Variants in UNC13C observed in about 807,000 individuals in gnomAD.
UNC13C encodes the protein protein unc-13 homolog C.
UNC13C carries 174 observed loss-of-function variants against 245.4 expected under a neutral mutation model. The ratio of observed to expected loss-of-function variants is 0.71; its 90% CI spans 0.63 to 0.80. UNC13C has a LOEUF of 0.80. Among genes scored for constraint, UNC13C ranks in the 30% least tolerant of loss-of-function variants. The pLI, the probability that UNC13C is intolerant of heterozygous loss-of-function variation, is 0.00. For synonymous variants in UNC13C, 992 were observed against 895.1 expected (o/e 1.11, Z -1.93); for missense variants, 2,829 against 2,602.9 (o/e 1.09, Z -1.89).
At chr15:54,048,684 A>G (rs927989473) in intron 2 of UNC13C, 4 of 321,178 alleles carry the variant, frequency 1.2e-5, no homozygotes, top group Non-Finnish European at 2.5e-5. Context: ...CTCCTCAACA[A>G]AGCAGCAAAG....
At chr15:54,358,943 C>T (rs1305406267) in intron 17 of UNC13C, among the ~76,000 whole-genome samples, 3 of 151,824 alleles carry the variant, frequency 2.0e-5, no homozygotes, top group Admixed American at 6.6e-5. Flanking sequence ...ATGATGTTAG[C>T]TGTGGTTTGT....
intron 4 of UNC13C, among the ~76,000 whole-genome samples, chr15:54,212,458 T>G (rs2034911261): frequency 6.6e-6 from 1 of 152,080 alleles, no homozygotes; most frequent in African/African-American, 2.4e-5. Context: ...CAATGTATAT[T>G]GAAAAATGAC....
chr15:54,566,537 G>C (rs1897522973), intron 29 of UNC13C, among the ~76,000 whole-genome samples: 1 of 151,998 alleles, frequency 6.6e-6, no homozygotes, highest in South Asian at 2.1e-4. Context: ...TCAGTAAATG[G>C]AATTTCAAAG....
chr15:53,991,359 C>T (rs1219403485), intron 1 of UNC13C, among the ~76,000 whole-genome samples: 2 of 151,908 alleles, frequency 1.3e-5, no homozygotes. Context: ...GAAAGGTAAA[C>T]ATATCAAAAA....
At chr15:54,609,940 A>G (rs558269270) in intron 30 of UNC13C, among the ~76,000 whole-genome samples, 11 of 152,150 alleles carry the variant, frequency 7.2e-5, no homozygotes, top group Admixed American at 1.3e-4. Flanking sequence ...TAAAACCATC[A>G]GATCTCATGA....
intron 30 of UNC13C, chr15:54,611,635 C>T (rs906963443): frequency 3.9e-5 from 6 of 152,108 alleles, no homozygotes; most frequent in Non-Finnish European, 5.9e-5. Context: ...CCTTTGAAAC[C>T]GCTATGATTG....
chr15:53,899,250 G>A, the UNC13C span, among the ~76,000 whole-genome samples: 59 of 152,256 alleles, frequency 3.9e-4, no homozygotes, highest in South Asian at 0.011. Flanking sequence ...TGATTATTGT[G>A]TATCCTTAAT....
chr15:54,459,214 G>A (rs1395836937), intron 19 of UNC13C, among the ~76,000 whole-genome samples: 1 of 152,182 alleles, frequency 6.6e-6, no homozygotes, highest in South Asian at 2.1e-4. Context: ...GCTAAGGATA[G>A]GACCTCAGTC....
At chr15:54,400,845 C>T (rs2040166705) in intron 18 of UNC13C, among the ~76,000 whole-genome samples, 1 of 152,144 alleles carries the variant, frequency 6.6e-6, no homozygotes, top group Non-Finnish European at 1.5e-5. Context: ...TGGTGTGCTG[C>T]ACCCATTAAC....
intron 30 of UNC13C, among the ~76,000 whole-genome samples, chr15:54,604,101 G>A (rs982859123): frequency 6.6e-6 from 1 of 152,118 alleles, no homozygotes; most frequent in Non-Finnish European, 1.5e-5. Flanking sequence ...TGTGAGAGCT[G>A]AACTCATGCC....
chr15:54,610,203 C>T (rs996956574), intron 30 of UNC13C, among the ~76,000 whole-genome samples: 1 of 152,036 alleles, frequency 6.6e-6, no homozygotes, highest in African/African-American at 2.4e-5. Context: ...TGATGATGTA[C>T]TCACTAGTTT....
intron 23 of UNC13C, among the ~76,000 whole-genome samples, chr15:54,508,625 C>T (rs1894590850): frequency 1.3e-5 from 2 of 152,126 alleles, no homozygotes; most frequent in South Asian, 4.1e-4. Flanking sequence ...CAGCCTTATA[C>T]ACTGTTGCTT....
chr15:54,423,004 A>G (rs2040683327), intron 19 of UNC13C, among the ~76,000 whole-genome samples: 1 of 151,662 alleles, frequency 6.6e-6, no homozygotes, highest in African/African-American at 2.4e-5. Flanking sequence ...AACTTCATGA[A>G]ATATAAACAT....
intron 4 of UNC13C, among the ~76,000 whole-genome samples, chr15:54,183,893 C>T (rs1239762401): frequency 6.6e-6 from 1 of 151,518 alleles, no homozygotes; most frequent in Non-Finnish European, 1.5e-5. Context: ...GAAATCTTCA[C>T]AAAAGACCAG....
the UNC13C span, among the ~76,000 whole-genome samples, chr15:53,881,774 A>G: frequency 1.3e-5 from 2 of 152,216 alleles, no homozygotes; most frequent in Non-Finnish European, 2.9e-5. Flanking sequence ...AAGTTTTTCA[A>G]TGGCGTTCCA....
chr15:54,067,111 A>G (rs549129932), intron 2 of UNC13C, among the ~76,000 whole-genome samples: 2 of 152,110 alleles, frequency 1.3e-5, no homozygotes, highest in Non-Finnish European at 2.9e-5. Context: ...ATTCTTCCCT[A>G]TACTCCTGTT....
chr15:54,490,506 G>C (rs1408878672), intron 19 of UNC13C, among the ~76,000 whole-genome samples: 1 of 152,112 alleles, frequency 6.6e-6, no homozygotes, highest in East Asian at 1.9e-4. Context: ...AGAGAAGGAG[G>C]AAGAAACAAC....
intron 13 of UNC13C, among the ~76,000 whole-genome samples, chr15:54,305,166 G>A (rs2037693691): frequency 6.6e-6 from 1 of 152,090 alleles, no homozygotes; most frequent in Admixed American, 6.6e-5. Context: ...ATCAGAGGCA[G>A]AAGCTGTTTA....
Position 54,496,979 on chromosome 15 carries a change from T to A in UNC13C, c.5060+2245T>A, listed in dbSNP as rs929542794. Among the ~76,000 whole-genome samples, 22 of 151,838 alleles carry A rather than the reference T, an allele frequency of 1.4e-4. 1 individual carries two copies. Among genetic ancestry groups the A allele is most frequent in the Admixed American group, 9.2e-4 (14 of 15,226 alleles). On this transcript the variant is annotated intron_variant, in intron 20 of 32. Coordinates refer to ENST00000260323, the MANE Select transcript of UNC13C (RefSeq NM_001080534.3). ...TCAAAACCTATTGAAATGAAAAAAA[T>A]TTAAAAATAGAAAAATAAACAAGAA...
Sources: allele counts gnomAD v4.1 joint callset (sites outside exome capture counted in the v4.1 genomes callset), GRCh38; gene constraint gnomAD v4.1.1; transcripts MANE v1.5; gene names NCBI Gene and HGNC (gene_info 2026-07-23, HGNC 2026-07-21).